Variants in RIOX2 observed in about 807,000 individuals in gnomAD.
The protein encoded by RIOX2 is 60S ribosomal protein L27a histidine hydroxylase.
In RIOX2, 43 loss-of-function variants were observed where a neutral mutation model predicts 51.2. That is an observed-to-expected ratio of 0.84 (90% CI 0.66 to 1.08). The LOEUF (loss-of-function observed/expected upper bound fraction) is 1.08. Ranked by LOEUF, RIOX2 falls within the 50% of genes least tolerant of loss-of-function variation. The pLI, the probability that RIOX2 is intolerant of heterozygous loss-of-function variation, is 0.00. For synonymous variants in RIOX2, 226 were observed against 218.5 expected (o/e 1.03, Z -0.30); for missense variants, 566 against 561.7 (o/e 1.01, Z -0.08).
chr3:97,971,466 A>C (rs939193942), intron 1 of RIOX2: 2 of 152,228 alleles, frequency 1.3e-5, no homozygotes, highest in African/African-American at 4.8e-5. Flanking sequence ...CTGATCTAAA[A>C]CATTTCTTTT....
At chr3:97,947,529 G>A (rs2040394696) in intron 7 of RIOX2, 80 bp from the exon 8 acceptor site, 40 of 1,035,244 alleles carry the variant, frequency 3.9e-5, no homozygotes, top group Non-Finnish European at 5.4e-5. Context: ...ATACACATAG[G>A]AAACACATTT....
In RIOX2 at chr3:97,945,024, A is replaced by G; in HGVS notation, c.*160T>C. 3.8e-6 allele frequency: 2 copies of G among 527,022 alleles called. No homozygotes were observed. Among genetic ancestry groups the G allele is most frequent in the Admixed American group, 3.2e-5 (1 of 30,802 alleles). The allele number at this position is 527,022 out of a possible 1,614,324, so 32.6% of individuals were successfully genotyped here. ...CTGTTCTTTCTTTCATGTGCCCGTT[A>G]GTACATTTGGCCAACTGACCACCTG... On this transcript the variant is annotated 3_prime_UTR_variant, in exon 10 of 10. Transcript: ENST00000394198.
intron 3 of RIOX2, among the ~76,000 whole-genome samples, chr3:97,960,804 T>C (rs892963365): frequency 1.3e-5 from 2 of 152,216 alleles, no homozygotes; most frequent in African/African-American, 2.4e-5. Flanking sequence ...TAATCTCTGA[T>C]GGAAAAGCCA....
chr3:97,943,191 A>G lies in RIOX2; in HGVS notation c.*1993T>C. 5 of 1,271,244 alleles carry G rather than the reference A, an allele frequency of 3.9e-6. No homozygotes were observed. Among genetic ancestry groups the G allele is most frequent in the Non-Finnish European group, 5.7e-6 (5 of 879,536 alleles). 78.7% of individuals were successfully genotyped at this position (1,271,244 alleles called of 1,614,324 possible). ...GTGAAATTGCTAAGCACCTGCCTGA[A>G]CAAATAATCTTTTCTTTTGGAATTT... On this transcript the variant is annotated 3_prime_UTR_variant, in exon 10 of 10. Transcript: ENST00000394198.
chr3:97,970,587 C>T (rs960240940), intron 1 of RIOX2, among the ~76,000 whole-genome samples: 1 of 152,176 alleles, frequency 6.6e-6, no homozygotes, highest in African/African-American at 2.4e-5. Context: ...TTAAAGAAGA[C>T]AATGCTTTGT....
chr3:97,955,361 A>G (rs1439705086), intron 4 of RIOX2, among the ~76,000 whole-genome samples: 2 of 152,002 alleles, frequency 1.3e-5, no homozygotes, highest in African/African-American at 2.4e-5. Flanking sequence ...CTCCTTCCCA[A>G]TCCCACTCAG....
intron 2 of RIOX2, among the ~76,000 whole-genome samples, chr3:97,963,901 GTTTATC>G (rs998438072): frequency 1.1e-4 from 17 of 152,264 alleles, no homozygotes; most frequent in Admixed American, 5.2e-4. Flanking sequence ...GACTTCAGTT[GTTTATC>G]TTTAAGATAA....
At chr3:97,967,866 T>C (rs143131429) in intron 1 of RIOX2, among the ~76,000 whole-genome samples, 729 of 152,252 alleles carry the variant, frequency 4.8e-3, no homozygotes, top group South Asian at 0.022. Flanking sequence ...GAAGAACGTG[T>C]TTTTCTTTTA....
chr3:97,962,356 A>AACCCCC (rs1705712650), intron 2 of RIOX2, among the ~76,000 whole-genome samples: 3 of 70,200 alleles, frequency 4.3e-5, no homozygotes, highest in Non-Finnish European at 8.1e-5. Context: ...GAATGCTAAG[A>AACCCCC]CCCCCCCCCC....
chr3:97,959,073 G>A lies in RIOX2; in HGVS notation c.659C>T (p.Pro220Leu), dbSNP rs770104241. ...TACCTTCAGCATAAACTCATGCACC[G>A]GCCTGCCGATCCTTTCCTCGGCCTC... ...SVEAEERIGR[P>L]VHEFMLKPGD... The change falls in exon 4 of 10, where the codon CCG (proline) becomes CTG (leucine). Residue 220 changes from proline to leucine, a missense_variant. Pro to Leu is a moderately conservative substitution (Grantham distance 98). Transcript: ENST00000394198. The A allele has an allele frequency of 2.2e-5, 35 of 1,613,094 alleles. No homozygotes were observed. The highest frequency in any genetic ancestry group is 8.9e-5 in the East Asian group (4 of 44,830).
chr3:97,966,664 A>C (rs1705903136), intron 2 of RIOX2, among the ~76,000 whole-genome samples: 1 of 152,202 alleles, frequency 6.6e-6, no homozygotes, highest in African/African-American at 2.4e-5. Flanking sequence ...TTAAGGGTGA[A>C]GTCTCTTTAT....
At position 97,952,226 on chromosome 3, in the gene RIOX2, C is replaced by A. The variant is rs779746270; in HGVS notation, c.786-1338G>T. The stretch of plus-strand genomic sequence containing the variant: ...CTGGGGAGCAATGGCCCTCAAGTCA[C>A]ATCTTCTCATTCTAGCTCCAGCATC... On this transcript the variant is annotated intron_variant, in intron 5 of 9. Coordinates refer to ENST00000394198, the MANE Select transcript of RIOX2 (RefSeq NM_153182.4). The A allele has an allele frequency of 3.1e-6, 4 of 1,289,690 alleles. No homozygotes were observed. In the South Asian group the frequency reaches 3.7e-5, roughly 12 times the overall value. The allele number at this position is 1,289,690 out of a possible 1,614,324, so 79.9% of individuals were successfully genotyped here. A position where few individuals can be genotyped will look rare whatever the true frequency, so the allele number is the denominator to read the frequency against.
intron 2 of RIOX2, among the ~76,000 whole-genome samples, chr3:97,963,092 AAAGAACTGGG>A (rs1705746994): frequency 6.6e-6 from 1 of 152,178 alleles, no homozygotes; most frequent in Non-Finnish European, 1.5e-5. Flanking sequence ...ATCAAGTGAG[AAAGAACTGGG>A]AAGAACTGGG....
chr3:97,944,351 C>CTTTT lies in RIOX2; in HGVS notation c.*832_*833insAAAA, dbSNP rs942126927. 2.0e-5 allele frequency: 3 copies of CTTTT among 152,290 alleles called. No homozygotes were observed. The highest frequency in any genetic ancestry group is 4.4e-5 in the Non-Finnish European group (3 of 67,908). 9.4% of individuals were successfully genotyped at this position (152,290 alleles called of 1,614,324 possible). A position where few individuals can be genotyped will look rare whatever the true frequency, so the allele number is the denominator to read the frequency against. ...TTACCACCTTTTACTGCACAATTCA[C>CTTTT]AAGCATGTTTTCCTGGTGAATTGGA... On this transcript the variant is annotated 3_prime_UTR_variant, in exon 10 of 10. Coordinates refer to ENST00000394198, the MANE Select transcript of RIOX2 (RefSeq NM_153182.4).
Position 97,945,116 on chromosome 3 carries a change from G to T in RIOX2, c.*68C>A. On this transcript the variant is annotated 3_prime_UTR_variant, in exon 10 of 10. Transcript: ENST00000394198. ...GGAAACTTGAATTCATCCTCTCCTCGGCTCAGGTCTTTGCTTTTCTTTTAA... is the reference window on the plus strand; with the variant it reads ...GGAAACTTGAATTCATCCTCTCCTCTGCTCAGGTCTTTGCTTTTCTTTTAA... 7.2e-7 allele frequency: 1 copy of T among 1,383,420 alleles called. No homozygotes were observed. Among genetic ancestry groups the T allele is most frequent in the Non-Finnish European group, 9.7e-7 (1 of 1,030,508 alleles). The allele number at this position is 1,383,420 out of a possible 1,614,324, so 85.7% of individuals were successfully genotyped here. A position where few individuals can be genotyped will look rare whatever the true frequency, so the allele number is the denominator to read the frequency against.
chr3:97,953,574 G>A (rs1705328990), intron 5 of RIOX2, among the ~76,000 whole-genome samples: 1 of 151,970 alleles, frequency 6.6e-6, no homozygotes, highest in Non-Finnish European at 1.5e-5. Context: ...GTAGAGATGG[G>A]GTTTCACCAT....
intron 2 of RIOX2, among the ~76,000 whole-genome samples, chr3:97,966,461 C>A (rs1705894034): frequency 6.6e-6 from 1 of 152,222 alleles, no homozygotes; most frequent in Admixed American, 6.5e-5. Flanking sequence ...TTAGTTCATA[C>A]TAAATCTGCA....
At chr3:97,970,817 C>T (rs1317794953) in intron 1 of RIOX2, among the ~76,000 whole-genome samples, 2 of 152,162 alleles carry the variant, frequency 1.3e-5, no homozygotes, top group African/African-American at 4.8e-5. Context: ...TGTTGACAAC[C>T]ATACTATAGG....
chr3:97,966,220 G>A (rs111947184), intron 2 of RIOX2, among the ~76,000 whole-genome samples: 13 of 152,284 alleles, frequency 8.5e-5, no homozygotes, highest in South Asian at 4.1e-4. Context: ...GGTAACTGAC[G>A]ACAGAGCCCC....
Sources: allele counts gnomAD v4.1 joint callset (sites outside exome capture counted in the v4.1 genomes callset), GRCh38; gene constraint gnomAD v4.1.1; transcripts MANE v1.5; gene names NCBI Gene and HGNC (gene_info 2026-07-23, HGNC 2026-07-21).